Variants in CORO2B observed in about 807,000 individuals in gnomAD.
CORO2B encodes coronin-2B.
CORO2B carries 26 observed loss-of-function variants against 58.8 expected under a neutral mutation model. That is an observed-to-expected ratio of 0.44 (90% confidence interval 0.32 to 0.61). The LOEUF (loss-of-function observed/expected upper bound fraction) is 0.61, where lower values mean the gene tolerates loss of function less well. Ranked by LOEUF, CORO2B falls within the 20% of genes least tolerant of loss-of-function variation. CORO2B has a pLI of 0.04. For missense variants in CORO2B, 460 were observed against 645.1 expected (o/e 0.71, Z 3.11); for synonymous variants, 242 against 253.8 (o/e 0.95, Z 0.44).
At chr15:68,674,821 G>C (rs11072038) in intron 2 of CORO2B, among the ~76,000 whole-genome samples, 92,841 of 152,146 alleles carry the variant, frequency 0.61, 30,438 homozygotes, top group East Asian at 0.86. Flanking sequence ...TTTTCCCTCA[G>C]ACCTGCCTTC....
At chr15:68,531,993 T>C in the CORO2B span, among the ~76,000 whole-genome samples, 10 of 152,154 alleles carry the variant, frequency 6.6e-5, no homozygotes, top group Admixed American at 2.0e-4. Context: ...TCTTTCATTG[T>C]ATTCTAATAT....
chr15:68,526,389 C>T, the CORO2B span, among the ~76,000 whole-genome samples: 1 of 152,208 alleles, frequency 6.6e-6, no homozygotes, highest in Non-Finnish European at 1.5e-5. Flanking sequence ...ACCAGCAATG[C>T]TCCACATCCT....
At chr15:68,550,350 A>G in the CORO2B span, among the ~76,000 whole-genome samples, 1 of 152,186 alleles carries the variant, frequency 6.6e-6, no homozygotes, top group Non-Finnish European at 1.5e-5. Context: ...GTAGCTCACC[A>G]GGGGCCTCAG....
At chr15:68,617,170 A>G (rs1900380499) in intron 1 of CORO2B, among the ~76,000 whole-genome samples, 2 of 143,776 alleles carry the variant, frequency 1.4e-5, no homozygotes, top group African/African-American at 5.0e-5. Context: ...CGTGGGCTCC[A>G]GGGAATGGGA....
rs778777529 is a variant in CORO2B, at chr15:68,591,636, T to A, written c.15+12359T>A. Among the ~76,000 whole-genome samples the A allele has an allele frequency of 1.3e-4, 20 of 152,050 alleles. 1 individual carries two copies. In the Middle Eastern group the frequency reaches 0.031, roughly 233 times the overall value. On this transcript the variant is annotated intron_variant, in intron 1 of 11. Coordinates refer to ENST00000261861, the MANE Select transcript of CORO2B (RefSeq NM_006091.5). ...TATGTGCAATGAGGCGGGGAAGGGG[T>A]TTCTGAGCCCCTAGCCCAGACCTCC...
At chr15:68,625,591 C>CTTGTTTGTTGTTTCTTGTTTTGGGT (rs377538576) in intron 1 of CORO2B, among the ~76,000 whole-genome samples, 80 of 152,080 alleles carry the variant, frequency 5.3e-4, no homozygotes, top group Middle Eastern at 3.4e-3. Context: ...AGGTTTTTTT[C>CTTGTTTGTTGTTTCTTGTTTTGGGT]TTGTTTGTTG....
intron 1 of CORO2B, among the ~76,000 whole-genome samples, chr15:68,593,613 G>C (rs990348552): frequency 4.0e-5 from 6 of 151,678 alleles, no homozygotes; most frequent in Admixed American, 1.3e-4. Context: ...GTGTTAGAAA[G>C]CTACAAGGGA....
At chr15:68,615,833 T>C (rs558043508) in intron 1 of CORO2B, among the ~76,000 whole-genome samples, 1 of 152,306 alleles carries the variant, frequency 6.6e-6, no homozygotes, top group African/African-American at 2.4e-5. Flanking sequence ...ATGTTGTTCA[T>C]AAGCCACTCA....
chr15:68,703,174 C>A (rs1181403300), intron 3 of CORO2B, among the ~76,000 whole-genome samples: 1 of 105,728 alleles, frequency 9.5e-6, no homozygotes. Flanking sequence ...TTTTTTGAGA[C>A]GGAGTCTTGC....
At chr15:68,621,576 A>G (rs1566987549) in intron 1 of CORO2B, among the ~76,000 whole-genome samples, 1 of 152,128 alleles carries the variant, frequency 6.6e-6, no homozygotes, top group East Asian at 1.9e-4. Flanking sequence ...CTGTCTTCAT[A>G]ACTCTGCCTT....
At chr15:68,679,403 ACCCATGGAAAGCTCACCCTTGGTG>A (rs1902700504) in intron 2 of CORO2B, among the ~76,000 whole-genome samples, 1 of 151,918 alleles carries the variant, frequency 6.6e-6, no homozygotes. Context: ...CACATACCCC[ACCCATGGAAAGCTCACCCTTGGTG>A]AGGGTGACAG....
the CORO2B span, among the ~76,000 whole-genome samples, chr15:68,557,339 G>C: frequency 1.3e-5 from 2 of 152,136 alleles, no homozygotes; most frequent in Non-Finnish European, 1.5e-5. Context: ...GCAGAGCTGA[G>C]GTTCTGGTGC....
chr15:68,650,356 T>TAA (rs532431600), intron 2 of CORO2B, among the ~76,000 whole-genome samples: 1 of 86,086 alleles, frequency 1.2e-5, no homozygotes, highest in African/African-American at 4.4e-5. Context: ...AAACTCTGTC[T>TAA]AAAAAAAAAA....
the CORO2B span, among the ~76,000 whole-genome samples, chr15:68,538,018 G>A: frequency 6.6e-6 from 1 of 152,096 alleles, no homozygotes; most frequent in African/African-American, 2.4e-5. Flanking sequence ...TCATCTAGGT[G>A]GAACAATTAA....
the CORO2B span, among the ~76,000 whole-genome samples, chr15:68,527,893 T>C: frequency 6.6e-6 from 1 of 152,192 alleles, no homozygotes. Flanking sequence ...TAATTGATGC[T>C]ACTGTAAATG....
intron 2 of CORO2B, among the ~76,000 whole-genome samples, chr15:68,679,080 G>T (rs1902684450): frequency 6.6e-6 from 1 of 152,226 alleles, no homozygotes; most frequent in Non-Finnish European, 1.5e-5. Flanking sequence ...GAGTTCAGTA[G>T]ATATTTATTG....
chr15:68,593,867 A>T (rs1899762701), intron 1 of CORO2B, among the ~76,000 whole-genome samples: 1 of 152,080 alleles, frequency 6.6e-6, no homozygotes, highest in Non-Finnish European at 1.5e-5. Context: ...AGCCATCCTG[A>T]CCTGAGAAGG....
At chr15:68,605,917 G>A (rs753193847) in intron 1 of CORO2B, among the ~76,000 whole-genome samples, 7 of 151,878 alleles carry the variant, frequency 4.6e-5, no homozygotes, top group Non-Finnish European at 1.0e-4. Context: ...TAGAGACGGG[G>A]GTTTCACCAT....
chr15:68,607,817 CA>C (rs34353055), intron 1 of CORO2B, among the ~76,000 whole-genome samples: 1,694 of 106,096 alleles, frequency 0.016, 19 homozygotes, highest in African/African-American at 0.035. Flanking sequence ...GACCCTATCT[CA>C]AAAAAAAAAA....
Sources: allele counts gnomAD v4.1 joint callset (sites outside exome capture counted in the v4.1 genomes callset), GRCh38; gene constraint gnomAD v4.1.1; transcripts MANE v1.5; gene names NCBI Gene and HGNC (gene_info 2026-07-23, HGNC 2026-07-21).